Variants in VWA5B1 observed in about 807,000 individuals in gnomAD.
The protein encoded by VWA5B1 is von Willebrand factor A domain-containing protein 5B1.
Under a neutral mutation model 118.2 loss-of-function variants are expected in VWA5B1, and 115 were observed. The observed-to-expected ratio is 0.97, with a 90% CI of 0.84 to 1.14. The LOEUF is 1.14. VWA5B1 is among the 50% of genes most tolerant of loss of function. The probability of loss-of-function intolerance (pLI) is 0.00; values close to 1 mark genes in which losing one functional copy is unlikely to be tolerated. For missense variants in VWA5B1, 1,596 were observed against 1,603.8 expected (o/e 1.00, Z 0.08); for synonymous variants, 682 against 658.4 (o/e 1.04, Z -0.55).
At position 20,328,827 on chromosome 1, in the gene VWA5B1, T is replaced by A. The variant is rs544937578; in HGVS notation, c.1254+827T>A. Among the ~76,000 whole-genome samples the A allele has an allele frequency of 5.8e-3, 885 of 152,252 alleles. 4 individuals are homozygous for A. The highest frequency in any genetic ancestry group is 7.7e-3 in the African/African-American group (320 of 41,550). On this transcript the variant is annotated intron_variant, in intron 9 of 21. Transcript: ENST00000289815. ...GTACATATCAAAAACAAATTTTTTTTAAAAAATCTCCTGTGATTATGTCAG... is the reference window on the plus strand; with the variant it reads ...GTACATATCAAAAACAAATTTTTTTAAAAAAATCTCCTGTGATTATGTCAG...
intron 1 of VWA5B1, among the ~76,000 whole-genome samples, chr1:20,309,336 A>C (rs1345160123): frequency 6.6e-6 from 1 of 152,224 alleles, no homozygotes; most frequent in Non-Finnish European, 1.5e-5. Context: ...CTTGGGGAGA[A>C]AAACTCAGCT....
At chr1:20,335,720 A>G (rs2089695615) in intron 12 of VWA5B1, among the ~76,000 whole-genome samples, 1 of 152,248 alleles carries the variant, frequency 6.6e-6, no homozygotes, top group Non-Finnish European at 1.5e-5. Context: ...AAATACATTT[A>G]CTATTCATTA....
intron 8 of VWA5B1, among the ~76,000 whole-genome samples, chr1:20,326,261 TGG>T (rs1258437547): frequency 6.6e-6 from 1 of 152,008 alleles, no homozygotes; most frequent in African/African-American, 2.4e-5. Flanking sequence ...GAAATCTGTG[TGG>T]TGTAAAAGGT....
Position 20,350,242 on chromosome 1 carries a change from G to A in VWA5B1, c.2953+12G>A, listed in dbSNP as rs768421092. On this transcript the variant is annotated intron_variant, in intron 19 of 21. Transcript: ENST00000289815. ...CGGTGCTTCTGAAGGTGAGTGGGCA[G>A]GTGGCGCTGCCTCTTCATCAAGATG... is the stretch of plus-strand genomic sequence containing the variant. 9.0e-6 allele frequency: 14 copies of A among 1,550,714 alleles called. No homozygotes were observed. The highest frequency in any genetic ancestry group is 2.0e-5 in the Admixed American group (1 of 50,992).
rs748480481 is a variant in VWA5B1 at position 20,317,592 on chromosome 1, C to G, written c.626C>G (p.Thr209Ser). ...TCCTGGAATAAGTTGTGCCTGGCGA[C>G]TCTCCTGAACACCGAAGTGTCCAAC... ...PGSWNKLCLA[T>S]LLNTEVSNPM... Residue 209 changes from threonine to serine, a missense_variant, in exon 5 of 22, where the codon ACT (threonine) becomes AGT (serine). Physicochemically the swap from Thr to Ser is moderately conservative, Grantham distance 58. Coordinates refer to ENST00000289815, the MANE Select transcript of VWA5B1 (RefSeq NM_001039500.3). 3.9e-6 allele frequency: 6 copies of G among 1,551,810 alleles called. No homozygotes were observed. The highest frequency in any genetic ancestry group is 3.9e-5 in the Admixed American group (2 of 50,982).
At chr1:20,338,185 T>C (rs1010548537) in intron 14 of VWA5B1, 7 of 439,444 alleles carry the variant, frequency 1.6e-5, no homozygotes, top group African/African-American at 7.9e-5. Flanking sequence ...GCCAGAGAGG[T>C]AGGGCACTTA....
At chr1:20,294,628 C>T (rs571789213) in intron 1 of VWA5B1, among the ~76,000 whole-genome samples, 4 of 152,080 alleles carry the variant, frequency 2.6e-5, no homozygotes, top group Non-Finnish European at 2.9e-5. Context: ...TACAGGCATG[C>T]GCCACCACGC....
intron 2 of VWA5B1, among the ~76,000 whole-genome samples, chr1:20,312,415 C>T (rs534437796): frequency 9.2e-5 from 14 of 152,318 alleles, no homozygotes; most frequent in African/African-American, 3.1e-4. Context: ...TCCAAGGTCA[C>T]CTGGCTAGGA....
rs2090249485 is a variant in VWA5B1, at chr1:20,357,448, T to C, written c.*3185T>C. On this transcript the variant is annotated 3_prime_UTR_variant, in exon 22 of 22. Coordinates refer to ENST00000289815, the MANE Select transcript of VWA5B1 (RefSeq NM_001039500.3). ...ACAACCTGACCCGTTAATATGTTAC[T>C]GTGCGTTGTCAGGCTCCGAGCAGGT... 1.3e-5 allele frequency among the ~76,000 whole-genome samples: 2 copies of C among 152,222 alleles called. No individual in the cohort carries two copies. Among genetic ancestry groups the C allele is most frequent in the African/African-American group, 4.8e-5 (2 of 41,458 alleles).
intron 1 of VWA5B1, among the ~76,000 whole-genome samples, chr1:20,296,950 A>T (rs1471706027): frequency 6.6e-6 from 1 of 152,228 alleles, no homozygotes; most frequent in Non-Finnish European, 1.5e-5. Flanking sequence ...TTTGCCTTTC[A>T]GGCCTCTTGC....
rs868863658 is a variant in VWA5B1, at chr1:20,291,165, A to T, written c.-27+77A>T. 21 of 134,864 alleles carry T rather than the reference A, an allele frequency of 1.6e-4. No individual in the cohort carries two copies. Among genetic ancestry groups the T allele is most frequent in the African/African-American group, 3.1e-4 (9 of 28,754 alleles). 8.4% of individuals were successfully genotyped at this position (134,864 alleles called of 1,614,324 possible). ...CTCTGGGTGGGCAAGGGCATGCATG[A>T]GTGTGTGTGTGTATGTGTGTGTGTG... is the stretch of plus-strand genomic sequence containing the variant. On this transcript the variant is annotated intron_variant, in intron 1 of 21. Transcript: ENST00000289815.
intron 8 of VWA5B1, among the ~76,000 whole-genome samples, chr1:20,327,572 A>G (rs959450222): frequency 6.6e-6 from 1 of 151,996 alleles, no homozygotes; most frequent in Non-Finnish European, 1.5e-5. Context: ...GTTAAATGGA[A>G]CTGGAAAGCC....
intron 5 of VWA5B1, chr1:20,318,382 A>G (rs1457315539): frequency 2.8e-5 from 19 of 684,030 alleles, no homozygotes; most frequent in South Asian, 8.6e-5. Flanking sequence ...TCAGAGCAGG[A>G]AGAGTCATCA....
chr1:20,336,200 A>T, intron 12 of VWA5B1, 103 bp from the exon 13 acceptor site: 1 of 1,051,018 alleles, frequency 9.5e-7, no homozygotes, highest in Non-Finnish European at 1.2e-6. Flanking sequence ...GTTTCTTCAG[A>T]GATGAAAACC....
intron 1 of VWA5B1, among the ~76,000 whole-genome samples, chr1:20,294,814 C>CT (rs2088374349): frequency 6.6e-6 from 1 of 152,216 alleles, no homozygotes; most frequent in African/African-American, 2.4e-5. Context: ...GTCTCAAACT[C>CT]CCAGCCTCAG....
In VWA5B1 at chr1:20,353,842, G is replaced by T. The variant is rs764475263; in HGVS notation, c.3227G>T (p.Trp1076Leu). 8 of 1,530,208 alleles carry T rather than the reference G, an allele frequency of 5.2e-6. No homozygotes were observed. Among genetic ancestry groups the T allele is most frequent in the Admixed American group, 4.1e-5 (2 of 48,890 alleles). The allele number at this position is 1,530,208 out of a possible 1,614,324, so 94.8% of individuals were successfully genotyped here. A position where few individuals can be genotyped will look rare whatever the true frequency, so the allele number is the denominator to read the frequency against. The stretch of plus-strand genomic sequence containing the variant: ...CACATCCCCATGGAGAAGCTCAAGT[G>T]GACGTCCCCCTTCACCTGCCATCGA... ...ATHIPMEKLK[W>L]TSPFTCHRVS... Residue 1076 changes from tryptophan to leucine, a missense_variant, in exon 22 of 22, where the codon TGG becomes TTG. Physicochemically the swap from Trp to Leu is moderately conservative, Grantham distance 61. Coordinates refer to ENST00000289815, the MANE Select transcript of VWA5B1 (RefSeq NM_001039500.3).
chr1:20,314,784 G>A (rs1170620830), intron 4 of VWA5B1, among the ~76,000 whole-genome samples, 192 bp downstream of exon 4: 1 of 152,042 alleles, frequency 6.6e-6, no homozygotes, highest in East Asian at 1.9e-4. Flanking sequence ...TCCCTGAAAT[G>A]CCCCTGTAAT....
intron 1 of VWA5B1, among the ~76,000 whole-genome samples, chr1:20,297,996 ATTTTTT>A (rs60497976): frequency 0.25 from 31,784 of 126,912 alleles, 3,541 homozygotes; most frequent in East Asian, 0.45. Flanking sequence ...TCGGTGGTGG[ATTTTTT>A]TTTTTTTTTT....
At chr1:20,351,975 T>C in intron 20 of VWA5B1, 80 bp from the exon 21 acceptor site, 1 of 1,140,434 alleles carries the variant, frequency 8.8e-7, no homozygotes, top group Non-Finnish European at 1.3e-6. Context: ...ATTGCATTCC[T>C]TCTGACCCTG....
Sources: gnomAD v4.1 joint callset for allele counts (sites outside exome capture counted in the v4.1 genomes callset) on GRCh38, gnomAD v4.1.1 for gene constraint, MANE v1.5 for transcripts, NCBI Gene and HGNC (gene_info 2026-07-23, HGNC 2026-07-21) for gene names.